The following GLI3 variants were observed in gnomAD, a reference collection of about 807,000 sequenced individuals.
GLI3 encodes the protein transcription activator GLI3.
A neutral mutation model predicts 100.8 loss-of-function variants in GLI3; 20 were observed. The ratio of observed to expected loss-of-function variants is 0.20; its 90% CI spans 0.14 to 0.29. GLI3 has a LOEUF of 0.29. Among genes scored for constraint, GLI3 ranks in the 10% least tolerant of loss-of-function variants. GLI3 has a pLI of 1.00. For missense variants in GLI3, 2,040 were observed against 2,128.5 expected, an observed-to-expected ratio of 0.96 and a Z score of 0.82; for synonymous variants, 938 against 860.5, an observed-to-expected ratio of 1.09 and a Z score of -1.58.
At chr7:42,253,232 C>T (rs184343978) in intron 1 of GLI3, among the ~76,000 whole-genome samples, 69 of 152,342 alleles carry the variant, frequency 4.5e-4, no homozygotes, top group African/African-American at 1.6e-3. Flanking sequence ...CACTGTGCCC[C>T]TGGTGCACCT....
chr7:42,077,990 T>C (rs1204365218), intron 3 of GLI3, among the ~76,000 whole-genome samples: 2 of 152,174 alleles, frequency 1.3e-5, no homozygotes, highest in African/African-American at 4.8e-5. Context: ...AGGATTGGTG[T>C]GTACACCCAC....
At chr7:42,237,572 CCTCCTCCTCCCCGCG>C (rs1195981527), upstream of GLI3, among the ~76,000 whole-genome samples, 6 of 151,840 alleles carry the variant, frequency 4.0e-5, 1 homozygote, top group South Asian at 6.3e-4. Flanking sequence ...TCCTCCTCTT[CCTCCTCCTCCCCGCG>C]CTCCTCCTCC....
At chr7:42,202,789 G>A (rs987299914) in intron 2 of GLI3, among the ~76,000 whole-genome samples, 7 of 152,220 alleles carry the variant, frequency 4.6e-5, no homozygotes, top group South Asian at 4.2e-4. Flanking sequence ...GTGAATGGAC[G>A]GGGGTCCCAC....
Position 42,164,829 on chromosome 7 carries a change from CAAAT to C in GLI3, c.125-16365_125-16362del, listed in dbSNP as rs71006459. Among the ~76,000 whole-genome samples the C allele has an allele frequency of 2.2e-3, 320 of 148,210 alleles. 4 individuals are homozygous for C. In the East Asian group the frequency reaches 0.029, roughly 13 times the overall value. On this transcript the variant is annotated intron_variant, in intron 2 of 14. Coordinates refer to ENST00000395925, the MANE Select transcript of GLI3 (RefSeq NM_000168.6). ...TGGGCAACAGAGCGAGACTATGTGT[CAAAT>C]AAATAAATAAATAAATAAAAATTAA... is the stretch of plus-strand genomic sequence containing the variant.
intron 3 of GLI3, among the ~76,000 whole-genome samples, chr7:42,104,693 A>G (rs1419931086): frequency 6.6e-6 from 1 of 152,164 alleles, no homozygotes; most frequent in Non-Finnish European, 1.5e-5. Flanking sequence ...AAATTCACAT[A>G]TTGAACTCTA....
chr7:42,079,272 TTC>T (rs1282109096), intron 3 of GLI3, among the ~76,000 whole-genome samples: 2 of 152,176 alleles, frequency 1.3e-5, no homozygotes, highest in East Asian at 3.9e-4. Context: ...GAGCCAAACA[TTC>T]TCTCTCATTT....
chr7:42,152,311 G>T, intron 2 of GLI3: 1 of 742,636 alleles, frequency 1.3e-6, no homozygotes, highest in Non-Finnish European at 1.6e-6. Flanking sequence ...CTTGTCCCAA[G>T]ACCTAGAAGA....
At chr7:42,162,227 A>T (rs1339509306) in intron 2 of GLI3, among the ~76,000 whole-genome samples, 1 of 152,172 alleles carries the variant, frequency 6.6e-6, no homozygotes, top group African/African-American at 2.4e-5. Context: ...ACCTTTGTAG[A>T]GGAGGTTTGA....
chr7:42,045,766 G>T (rs989426102), intron 5 of GLI3, among the ~76,000 whole-genome samples: 6 of 152,114 alleles, frequency 3.9e-5, no homozygotes, highest in African/African-American at 1.4e-4. Context: ...AGTTTTTGTT[G>T]TTGGTCTAAG....
intron 2 of GLI3, among the ~76,000 whole-genome samples, chr7:42,172,267 G>A (rs1312443563): frequency 2.0e-5 from 3 of 152,094 alleles, no homozygotes; most frequent in Non-Finnish European, 4.4e-5. Context: ...GCTCCAAAGG[G>A]CAGAGGGTGG....
chr7:42,108,967 G>T (rs1047424559), intron 3 of GLI3, among the ~76,000 whole-genome samples: 2 of 151,830 alleles, frequency 1.3e-5, no homozygotes, highest in African/African-American at 4.8e-5. Flanking sequence ...GAAGTCTGAC[G>T]CCATCACCCT....
chr7:42,135,743 T>C (rs1280442467), intron 3 of GLI3, among the ~76,000 whole-genome samples: 2 of 152,214 alleles, frequency 1.3e-5, no homozygotes, highest in Admixed American at 1.3e-4. Context: ...TCCTCCAACC[T>C]CTTCATCATG....
chr7:42,125,132 C>A (rs145266000), intron 3 of GLI3, among the ~76,000 whole-genome samples: 53 of 152,244 alleles, frequency 3.5e-4, no homozygotes, highest in African/African-American at 1.1e-3. Context: ...AAAAACACAA[C>A]AAGAGTCAGC....
intron 10 of GLI3, among the ~76,000 whole-genome samples, chr7:41,997,863 G>A (rs1788169936): frequency 6.6e-6 from 1 of 152,038 alleles, no homozygotes; most frequent in Non-Finnish European, 1.5e-5. Flanking sequence ...TTTCATTGTA[G>A]CTGCAGTTAA....
At position 42,016,758 on chromosome 7, in the gene GLI3, T is replaced by G. The variant is rs182549201; in HGVS notation, c.1497+6710A>C. 1.9e-3 allele frequency among the ~76,000 whole-genome samples: 284 copies of G among 152,158 alleles called. 1 individual carries two copies. The highest frequency in any genetic ancestry group is 3.4e-3 in the Non-Finnish European group (234 of 67,992). ...TCATCATTTCATCAGGCCTCAAAAG[T>G]TTACCTGCATGATTTACTTTGACCC... is the stretch of plus-strand genomic sequence containing the variant. On this transcript the variant is annotated intron_variant, in intron 10 of 14. Transcript: ENST00000395925.
chr7:42,220,736 T>C (rs1008428550), intron 2 of GLI3, among the ~76,000 whole-genome samples: 6 of 152,262 alleles, frequency 3.9e-5, no homozygotes, highest in Admixed American at 6.5e-5. Flanking sequence ...TTTTACTTGT[T>C]CCTCTCTTTA....
In GLI3 at chr7:42,000,975, G is replaced by C. The variant is rs575992957; in HGVS notation, c.1498-22227C>G. ...AAAAAAAAGGAGGAGGGCCGGGAGC[G>C]GTGGCTCATGCCTGTAATCCCAGCA... On this transcript the variant is annotated intron_variant, in intron 10 of 14. Transcript: ENST00000395925. Among the ~76,000 whole-genome samples the C allele has an allele frequency of 1.4e-3, 215 of 152,168 alleles. 2 individuals are homozygous for C. The highest frequency in any genetic ancestry group is 4.1e-3 in the African/African-American group (172 of 41,526).
At chr7:41,999,924 A>C (rs1339274514) in intron 10 of GLI3, among the ~76,000 whole-genome samples, 1 of 152,056 alleles carries the variant, frequency 6.6e-6, no homozygotes, top group African/African-American at 2.4e-5. Context: ...GGGAACTGAA[A>C]GCCACACATC....
chr7:42,052,919 T>C (rs1343308928), intron 4 of GLI3, among the ~76,000 whole-genome samples: 1 of 152,222 alleles, frequency 6.6e-6, no homozygotes, highest in Non-Finnish European at 1.5e-5. Flanking sequence ...AGTCTTTAAA[T>C]AAAGGTGTTT....
Sources: allele counts gnomAD v4.1 joint callset (sites outside exome capture counted in the v4.1 genomes callset), GRCh38; gene constraint gnomAD v4.1.1; transcripts MANE v1.5; gene names NCBI Gene and HGNC (gene_info 2026-07-23, HGNC 2026-07-21).